RAB12: variants seen among roughly 807,000 people sequenced by gnomAD.
RAB12 encodes the protein RAB12, member RAS oncogene family.
RAB12 carries 11 observed loss-of-function variants against 28.4 expected under a neutral mutation model. The ratio of observed to expected loss-of-function variants is 0.39; its 90% CI spans 0.24 to 0.64. The LOEUF (loss-of-function observed/expected upper bound fraction) is 0.64, where lower values mean the gene tolerates loss of function less well. Ranked by LOEUF, RAB12 falls within the 30% of genes least tolerant of loss-of-function variation. RAB12 has a pLI of 0.50. For synonymous variants in RAB12, 138 were observed against 145.3 expected (o/e 0.95, Z 0.36); for missense variants, 276 against 351.1 (o/e 0.79, Z 1.71).
intron 2 of RAB12, among the ~76,000 whole-genome samples, chr18:8,631,847 T>C (rs2148710966): frequency 6.6e-6 from 1 of 152,306 alleles, no homozygotes; most frequent in East Asian, 1.9e-4. Context: ...AAAATTACTT[T>C]CATGCTTCAT....
At chr18:8,612,520 G>A (rs760105587) in intron 1 of RAB12, among the ~76,000 whole-genome samples, 5 of 152,182 alleles carry the variant, frequency 3.3e-5, no homozygotes, top group Admixed American at 1.3e-4. Flanking sequence ...AGGGCTGCTC[G>A]CGACAGCCGT....
intron 2 of RAB12, among the ~76,000 whole-genome samples, chr18:8,631,607 C>T (rs1009428576): frequency 2.0e-5 from 3 of 152,212 alleles, no homozygotes; most frequent in Non-Finnish European, 2.9e-5. Flanking sequence ...CACTGTTCCT[C>T]GGGCTCCCTC....
At position 8,639,004 on chromosome 18, in the gene RAB12, C is replaced by G. The variant is rs1319668960; in HGVS notation, c.*742C>G. On this transcript the variant is annotated 3_prime_UTR_variant, in exon 6 of 6. Transcript: ENST00000649141. ...AACACGCTGCTGTCCTAAACAAATC[C>G]TGTTTAAAGGAATTTTAAAGAGATG... is the stretch of plus-strand genomic sequence containing the variant. 6.6e-6 allele frequency: 1 copy of G among 152,032 alleles called. No individual in the cohort carries two copies. Among genetic ancestry groups the G allele is most frequent in the Non-Finnish European group, 1.5e-5 (1 of 68,012 alleles). The allele number at this position is 152,032 out of a possible 1,614,324, so 9.4% of individuals were successfully genotyped here. A position where few individuals can be genotyped will look rare whatever the true frequency, so the allele number is the denominator to read the frequency against.
intron 2 of RAB12, 181 bp from the exon 3 acceptor site, chr18:8,633,008 T>G (rs2096016885): frequency 1.6e-6 from 1 of 641,240 alleles, no homozygotes; most frequent in African/African-American, 1.8e-5. Flanking sequence ...TGTCATAGTT[T>G]TAGTCAACCT....
intron 3 of RAB12, among the ~76,000 whole-genome samples, chr18:8,633,992 G>A (rs1424512196): frequency 2.0e-5 from 3 of 152,166 alleles, no homozygotes; most frequent in Non-Finnish European, 4.4e-5. Context: ...TCGTGCAGTA[G>A]TTTCATGTTT....
chr18:8,616,758 A>C (rs2096006913), intron 1 of RAB12, among the ~76,000 whole-genome samples: 1 of 90,702 alleles, frequency 1.1e-5, no homozygotes, highest in Non-Finnish European at 2.3e-5. Context: ...CCATCTCCAC[A>C]AAAAAAAAAA....
chr18:8,633,052 A>G, intron 2 of RAB12, 137 bp from the exon 3 acceptor site: 2 of 983,564 alleles, frequency 2.0e-6, no homozygotes, highest in Non-Finnish European at 3.1e-6. Flanking sequence ...TGTGGTCATC[A>G]GGTCAAAGGG....
rs1447925458 is a variant in RAB12 at position 8,639,169 on chromosome 18, T to C, written c.*907T>C. 2 of 125,084 alleles carry C rather than the reference T, an allele frequency of 1.6e-5. No homozygotes were observed. Among genetic ancestry groups the C allele is most frequent in the Admixed American group, 8.2e-5 (1 of 12,260 alleles). The allele number at this position is 125,084 out of a possible 1,614,324, so 7.7% of individuals were successfully genotyped here. ...GTTCTTTTTTTTTTTTTTTTTTTTT[T>C]TTTTTTTTTTTTTTTTTTTTTTTGG... On this transcript the variant is annotated 3_prime_UTR_variant, in exon 6 of 6. Coordinates refer to ENST00000649141, the MANE Select transcript of RAB12 (RefSeq NM_001025300.3).
chr18:8,638,170 A>G lies in RAB12; in HGVS notation c.931A>G (p.Asn311Asp), dbSNP rs374013427. ...TTAGATGCCTCTGGATATTTTAAGG[A>G]ATGAGTTGTCCAATAGTATCCTGTC... ...LKKMPLDILR[N>D]ELSNSILSLQ... Residue 311 changes from asparagine (N) to aspartate (D), a missense_variant, in exon 6 of 6, where the codon AAT becomes GAT. Coordinates refer to ENST00000649141, the MANE Select transcript of RAB12 (RefSeq NM_001025300.3). 122 of 1,612,952 alleles carry G rather than the reference A, an allele frequency of 7.6e-5. No individual in the cohort carries two copies. Among genetic ancestry groups the G allele is most frequent in the Middle Eastern group, 1.6e-4 (1 of 6,080 alleles).
rs71165795 is a variant in RAB12 at position 8,620,139 on chromosome 18, C to CTT, written c.515-4779_515-4778dup. Among the ~76,000 whole-genome samples, 327 of 53,946 alleles carry CTT rather than the reference C, an allele frequency of 6.1e-3. 12 individuals carry two copies. The highest frequency in any genetic ancestry group is 0.026 in the East Asian group (41 of 1,584). The allele number at this position is 53,946 out of a possible 152,430, so 35.4% of individuals were successfully genotyped here. On this transcript the variant is annotated intron_variant, in intron 1 of 5. Transcript: ENST00000649141. ...AAAGCCTTCTTTTTTTTTTCTTCTT[C>CTT]TTTTTTTTTTTTTTTTTTTTTGCTT...
intron 2 of RAB12, among the ~76,000 whole-genome samples, chr18:8,626,969 A>G (rs938426218): frequency 6.6e-6 from 1 of 152,244 alleles, no homozygotes; most frequent in African/African-American, 2.4e-5. Context: ...TCATATATCT[A>G]CTACAGGCCA....
intron 2 of RAB12, among the ~76,000 whole-genome samples, chr18:8,626,088 T>C (rs1223078607): frequency 1.3e-5 from 2 of 152,250 alleles, no homozygotes; most frequent in Non-Finnish European, 2.9e-5. Flanking sequence ...GTTGTGCATT[T>C]GGTCTGCATA....
chr18:8,626,579 CTA>C (rs1452993450), intron 2 of RAB12, among the ~76,000 whole-genome samples: 11 of 152,310 alleles, frequency 7.2e-5, no homozygotes, highest in African/African-American at 2.2e-4. Flanking sequence ...CCCACTAAGT[CTA>C]TGCTGGTGAC....
intron 1 of RAB12, among the ~76,000 whole-genome samples, chr18:8,611,288 C>T (rs2096003637): frequency 2.0e-5 from 3 of 152,132 alleles, no homozygotes; most frequent in Admixed American, 2.0e-4. Context: ...TAGTACCTGA[C>T]ATAAATAAAG....
intron 3 of RAB12, among the ~76,000 whole-genome samples, chr18:8,634,636 T>C (rs2148711788): frequency 6.6e-6 from 1 of 152,140 alleles, no homozygotes; most frequent in East Asian, 1.9e-4. Flanking sequence ...CCTTTTGTCA[T>C]CAACTGCTGC....
chr18:8,626,920 C>T (rs1189776039), intron 2 of RAB12, among the ~76,000 whole-genome samples: 1 of 152,218 alleles, frequency 6.6e-6, no homozygotes, highest in Non-Finnish European at 1.5e-5. Context: ...TGGAATATTC[C>T]AGTGACTCTT....
Position 8,635,592 on chromosome 18 carries a change from C to G in RAB12, c.774C>G (p.Asp258Glu), listed in dbSNP as rs764586412. ...GAAATAAGTTGGACTGTGAAACGGACAGAGAAATCACCAGGCAGCAGGGGG... is the reference window on the plus strand; with the variant it reads ...GAAATAAGTTGGACTGTGAAACGGAGAGAGAAATCACCAGGCAGCAGGGGG... ...LVGNKLDCET[D>E]REITRQQGEK... Residue 258 changes from aspartate (D) to glutamate (E), a missense_variant, in exon 4 of 6, where the codon GAC (aspartate) becomes GAG (glutamate). Asp to Glu is a conservative substitution (Grantham distance 45, BLOSUM62 2). Coordinates refer to ENST00000649141, the MANE Select transcript of RAB12 (RefSeq NM_001025300.3). 45 of 1,612,608 alleles carry G rather than the reference C, an allele frequency of 2.8e-5. No homozygotes were observed. Among genetic ancestry groups the G allele is most frequent in the Non-Finnish European group, 3.6e-5 (43 of 1,179,458 alleles).
At chr18:8,633,055 T>G in intron 2 of RAB12, 134 bp from the exon 3 acceptor site, 1 of 1,079,316 alleles carries the variant, frequency 9.3e-7, no homozygotes, top group Non-Finnish European at 1.4e-6. Context: ...GGTCATCAGG[T>G]CAAAGGGAAA....
Position 8,638,539 on chromosome 18 carries a change from A to G in RAB12, c.*277A>G, listed in dbSNP as rs1266014677. 2 of 313,610 alleles carry G rather than the reference A, an allele frequency of 6.4e-6. No individual in the cohort carries two copies. Among genetic ancestry groups the G allele is most frequent in the African/African-American group, 4.3e-5 (2 of 46,148 alleles). 19.4% of individuals were successfully genotyped at this position (313,610 alleles called of 1,614,324 possible). On this transcript the variant is annotated 3_prime_UTR_variant, in exon 6 of 6. Coordinates refer to ENST00000649141, the MANE Select transcript of RAB12 (RefSeq NM_001025300.3). ...TCTAATATGAAGAATGGGAGAAATG[A>G]AAGGTATAATGTTTCTTGAAATAAA...
Sources: allele counts gnomAD v4.1 joint callset (sites outside exome capture counted in the v4.1 genomes callset), GRCh38; gene constraint gnomAD v4.1.1; transcripts MANE v1.5; gene names NCBI Gene and HGNC (gene_info 2026-07-23, HGNC 2026-07-21).